Variants in RSBN1L observed in about 807,000 individuals in gnomAD.
RSBN1L encodes lysine-specific demethylase RSBN1L.
RSBN1L carries 30 observed loss-of-function variants against 67.7 expected under a neutral mutation model. That is an observed-to-expected ratio of 0.44 (90% confidence interval 0.33 to 0.60). RSBN1L has a LOEUF of 0.60. Ranked by LOEUF, RSBN1L falls within the 20% of genes least tolerant of loss-of-function variation. The pLI, the probability that RSBN1L is intolerant of heterozygous loss-of-function variation, is 0.02. For synonymous variants in RSBN1L, 433 were observed against 387.0 expected, an observed-to-expected ratio of 1.12 and a Z score of -1.39; for missense variants, 992 against 1,031.7, an observed-to-expected ratio of 0.96 and a Z score of 0.53.
At chr7:77,770,354 G>A (rs994899085) in intron 5 of RSBN1L, among the ~76,000 whole-genome samples, 3 of 151,748 alleles carry the variant, frequency 2.0e-5, no homozygotes, top group Admixed American at 1.3e-4. Flanking sequence ...CAGCCTGGCC[G>A]ATAGAGCGAG....
intron 5 of RSBN1L, among the ~76,000 whole-genome samples, chr7:77,770,975 C>T (rs1791840839): frequency 1.3e-5 from 2 of 152,176 alleles, no homozygotes; most frequent in Non-Finnish European, 2.9e-5. Flanking sequence ...CTGAGTCTTG[C>T]TCTGTCGCCA....
Position 77,768,724 on chromosome 7 carries a change from G to T in RSBN1L, c.1546G>T (p.Gly516Cys). ...ACAGAGTCGAAAAGATAGTGATGATGGTCCCATCATGTGGGTTCGTCCAGG... is the reference window on the plus strand; with the variant it reads ...ACAGAGTCGAAAAGATAGTGATGATTGTCCCATCATGTGGGTTCGTCCAGG... ...KLQSRKDSDD[G>C]PIMWVRPGEQ... Residue 516 changes from glycine to cysteine, a missense_variant, in exon 5 of 8, where the codon GGT becomes TGT. Physicochemically the swap from Gly to Cys is radical, Grantham distance 159. This residue lies in a region of RSBN1L where 67 missense variants were observed against 130.5 expected (regional missense o/e 0.51). Transcript: ENST00000334955. 6.2e-7 allele frequency: 1 copy of T among 1,613,850 alleles called. No homozygotes were observed. The highest frequency in any genetic ancestry group is 8.5e-7 in the Non-Finnish European group (1 of 1,179,788).
At chr7:77,733,177 G>A (rs1287448749) in intron 1 of RSBN1L, among the ~76,000 whole-genome samples, 1 of 152,104 alleles carries the variant, frequency 6.6e-6, no homozygotes, top group Non-Finnish European at 1.5e-5. Flanking sequence ...AAAAGGATAG[G>A]CTCTACCAAA....
At chr7:77,759,375 G>A (rs948569549) in intron 3 of RSBN1L, among the ~76,000 whole-genome samples, 1 of 151,832 alleles carries the variant, frequency 6.6e-6, no homozygotes, top group Non-Finnish European at 1.5e-5. Flanking sequence ...TAATACTTTC[G>A]TTCTTATTTT....
At chr7:77,715,399 C>T (rs747146574) in intron 1 of RSBN1L, among the ~76,000 whole-genome samples, 22 of 151,118 alleles carry the variant, frequency 1.5e-4, no homozygotes, top group Non-Finnish European at 2.2e-4. Flanking sequence ...GGTGTGATCT[C>T]GGCTAGGTGA....
intron 6 of RSBN1L, 160 bp downstream of exon 6, chr7:77,773,474 C>A: frequency 2.0e-6 from 1 of 487,806 alleles, no homozygotes; most frequent in Non-Finnish European, 3.4e-6. Flanking sequence ...TTTTAAATTG[C>A]TAGAATCTGG....
chr7:77,701,089 T>A (rs1229056486), intron 1 of RSBN1L, among the ~76,000 whole-genome samples: 3 of 132,284 alleles, frequency 2.3e-5, no homozygotes, highest in African/African-American at 9.6e-5. Flanking sequence ...GAGGCGGAGG[T>A]TACAGTAAGC....
rs771301921 is a variant in RSBN1L, at chr7:77,696,817, C to T, written c.348C>T (p.Ala116=). Residue 116 remains alanine (A), a synonymous_variant, in exon 1 of 8, where the codon GCC becomes GCT. Transcript: ENST00000334955. ...FSAGTAVPSS[A]SASLSQPVPR... is the part of the protein sequence containing the mutation. ...CTGGCACGGCCGTTCCCTCCTCAGC[C>T]TCCGCTTCCTTGTCTCAGCCGGTGC... The T allele has an allele frequency of 3.7e-5, 60 of 1,613,582 alleles. No individual in the cohort carries two copies. The highest frequency in any genetic ancestry group is 4.8e-5 in the Non-Finnish European group (57 of 1,180,012).
chr7:77,777,410 C>T (rs888250391), intron 6 of RSBN1L, among the ~76,000 whole-genome samples: 1 of 150,940 alleles, frequency 6.6e-6, no homozygotes, highest in East Asian at 1.9e-4. Context: ...CTTTAGCAGT[C>T]TTTGTTATGC....
intron 1 of RSBN1L, among the ~76,000 whole-genome samples, chr7:77,717,974 G>A (rs1324721766): frequency 2.0e-5 from 3 of 152,216 alleles, no homozygotes; most frequent in Admixed American, 6.5e-5. Flanking sequence ...AGCCGAGATC[G>A]TGCTGCTGCA....
At chr7:77,759,080 A>T (rs1027440030) in intron 3 of RSBN1L, among the ~76,000 whole-genome samples, 3 of 152,220 alleles carry the variant, frequency 2.0e-5, no homozygotes, top group Non-Finnish European at 4.4e-5. Flanking sequence ...ATTAAATCTG[A>T]TCTGACTGTT....
chr7:77,736,751 G>A (rs10272168), intron 2 of RSBN1L, among the ~76,000 whole-genome samples: 20,093 of 151,996 alleles, frequency 0.13, 1,427 homozygotes, highest in African/African-American at 0.18. Context: ...GTTAAGCTTC[G>A]TTAAACTTAA....
chr7:77,751,877 C>T (rs913777052), intron 3 of RSBN1L, among the ~76,000 whole-genome samples: 3 of 152,170 alleles, frequency 2.0e-5, no homozygotes, highest in East Asian at 1.9e-4. Flanking sequence ...CTCCCATTCC[C>T]GGTTATTTCC....
At position 77,709,893 on chromosome 7, in the gene RSBN1L, C is replaced by A. The variant is rs534198567; in HGVS notation, c.586+12838C>A. On this transcript the variant is annotated intron_variant, in intron 1 of 7. Coordinates refer to ENST00000334955, the MANE Select transcript of RSBN1L (RefSeq NM_198467.3). Reference sequence around the variant, plus strand: ...AATATGTCCTTAGATATTTTTTAAACTGTAAAATTAACGTGTTCAAAACTT... The same window carrying A: ...AATATGTCCTTAGATATTTTTTAAAATGTAAAATTAACGTGTTCAAAACTT... 5.2e-4 allele frequency among the ~76,000 whole-genome samples: 79 copies of A among 152,222 alleles called. No homozygotes were observed. In the South Asian group the frequency reaches 0.016, roughly 32 times the overall value.
chr7:77,717,518 T>C (rs765876019), intron 1 of RSBN1L, among the ~76,000 whole-genome samples: 10 of 152,242 alleles, frequency 6.6e-5, no homozygotes. Context: ...GTTTTTGTCT[T>C]TGAAATCTGA....
intron 6 of RSBN1L, 150 bp downstream of exon 6, chr7:77,773,464 T>G: frequency 1.9e-6 from 1 of 518,284 alleles, no homozygotes; most frequent in East Asian, 3.3e-5. Flanking sequence ...GTACTAAAGA[T>G]TTTAAATTGC....
chr7:77,720,141 T>G (rs755045252), intron 1 of RSBN1L, among the ~76,000 whole-genome samples: 1 of 152,198 alleles, frequency 6.6e-6, no homozygotes, highest in Non-Finnish European at 1.5e-5. Context: ...TTTGTAACTC[T>G]TTGTTACTGG....
At chr7:77,746,757 T>A (rs1231136029) in intron 2 of RSBN1L, among the ~76,000 whole-genome samples, 1 of 152,172 alleles carries the variant, frequency 6.6e-6, no homozygotes, top group African/African-American at 2.4e-5. Context: ...GGTATAGGCA[T>A]TGAGTAAATA....
intron 2 of RSBN1L, among the ~76,000 whole-genome samples, chr7:77,743,920 C>T (rs919302574): frequency 3.3e-5 from 5 of 151,990 alleles, no homozygotes; most frequent in African/African-American, 1.2e-4. Context: ...GAGATGAGGT[C>T]TCTCTATGTT....
Sources: gnomAD v4.1 joint callset for allele counts (sites outside exome capture counted in the v4.1 genomes callset) on GRCh38, gnomAD v4.1.1 for gene constraint, gnomAD v4.1.1 regional missense constraint, MANE v1.5 for transcripts, NCBI Gene and HGNC (gene_info 2026-07-23, HGNC 2026-07-21) for gene names.